The following PARP10 variants were observed in gnomAD, a reference collection of about 807,000 sequenced individuals.
The protein encoded by PARP10 is poly(ADP-ribose) polymerase family member 10.
PARP10 carries 56 observed loss-of-function variants against 82.4 expected under a neutral mutation model. That is an observed-to-expected ratio of 0.68 (90% CI 0.55 to 0.85). The LOEUF is 0.85. Ranked by LOEUF, PARP10 falls within the 40% of genes least tolerant of loss-of-function variation. The pLI is 0.00. For missense variants in PARP10, 1,227 were observed against 1,379.4 expected (o/e 0.89, Z 1.75); for synonymous variants, 576 against 601.1 (o/e 0.96, Z 0.61).
At chr8:143,993,036 C>T, upstream of PARP10, 1 of 584,814 alleles carries the variant, frequency 1.7e-6, no homozygotes. Flanking sequence ...ACAGCATGGC[C>T]CCTTTAGTCC....
In PARP10 at chr8:143,977,403, G is replaced by A. The variant is rs1554746408; in HGVS notation, c.*81C>T. The A allele has an allele frequency of 3.1e-6, 4 of 1,305,782 alleles. No homozygotes were observed. In the African/African-American group the frequency reaches 4.5e-5, roughly 15 times the overall value. The allele number at this position is 1,305,782 out of a possible 1,614,324, so 80.9% of individuals were successfully genotyped here. A position where few individuals can be genotyped will look rare whatever the true frequency, so the allele number is the denominator to read the frequency against. The stretch of plus-strand genomic sequence containing the variant: ...GGCGTCCCCGGGGACAGCTCAGGCG[G>A]CCACAGTTGGGGGCGGGGAGCATCA... On this transcript the variant is annotated 3_prime_UTR_variant, in exon 11 of 11. Transcript: ENST00000313028.
chr8:143,992,376 G>A, upstream of PARP10: 4 of 1,606,484 alleles, frequency 2.5e-6, no homozygotes, highest in South Asian at 1.1e-5. Flanking sequence ...CCATGCAGGT[G>A]AGGGGCCTCC....
upstream of PARP10, chr8:143,992,788 A>G (rs1834122833): frequency 1.2e-6 from 2 of 1,613,854 alleles, no homozygotes; most frequent in Non-Finnish European, 1.7e-6. Flanking sequence ...GTACACAGAC[A>G]TCATCAACAT....
In PARP10 at chr8:143,985,129, C is replaced by T. The variant is rs1554748944; in HGVS notation, c.873G>A (p.Gly291=). The change falls in exon 5 of 11, where the codon GGG becomes GGA. Residue 291 remains glycine, a synonymous_variant. Transcript: ENST00000313028. The stretch of plus-strand genomic sequence containing the variant: ...CCTCGCCAGAGCCCATTGTCACAGT[C>T]CCTGCACCCTGCAGAGCCGTCACCA... ...GGLVTALQGA[G]TVTMGSGEEP... 1 of 1,614,086 alleles carries T rather than the reference C, an allele frequency of 6.2e-7. No homozygotes were observed. The highest frequency in any genetic ancestry group is 8.5e-7 in the Non-Finnish European group (1 of 1,180,012).
At position 143,983,157 on chromosome 8, in the gene PARP10, G is replaced by T; in HGVS notation, c.2422+10C>A. 6.2e-7 allele frequency: 1 copy of T among 1,612,910 alleles called. No individual in the cohort carries two copies. The highest frequency in any genetic ancestry group is 1.1e-5 in the South Asian group (1 of 91,006). On this transcript the variant is annotated intron_variant, in intron 8 of 10. Transcript: ENST00000313028. Reference sequence around the variant, plus strand: ...ACCCCACCGTCCCTCAGTCCAGGAGGTAGACTCACAGGTAGGGCCTGAAGC... The same window carrying T: ...ACCCCACCGTCCCTCAGTCCAGGAGTTAGACTCACAGGTAGGGCCTGAAGC...
upstream of PARP10, among the ~76,000 whole-genome samples, chr8:143,995,591 A>G (rs1329119014): frequency 2.6e-5 from 4 of 152,146 alleles, no homozygotes; most frequent in African/African-American, 9.7e-5. Context: ...CTTCAGGTAG[A>G]AAGAAGACCA....
rs781951079 is a variant in PARP10, at chr8:143,984,374, C to G, written c.1516G>C (p.Gly506Arg). The change falls in exon 6 of 11, where the codon GGC (glycine) becomes CGC (arginine). Residue 506 changes from glycine to arginine, a missense_variant. Physicochemically the swap from Gly to Arg is moderately radical, Grantham distance 125. Coordinates refer to ENST00000313028, the MANE Select transcript of PARP10 (RefSeq NM_032789.5). ...AAEEFLRSLL[G>R]SISCHVLCLE... ...CACAACACATGGCAGCTAATGCTGC[C>G]CAGCAGGCTCCGCAGAAACTCCTCA... The G allele has an allele frequency of 6.2e-7, 1 of 1,613,084 alleles. No homozygotes were observed. Among genetic ancestry groups the G allele is most frequent in the East Asian group, 2.2e-5 (1 of 44,866 alleles).
chr8:143,980,026 A>C (rs2133035549), intron 9 of PARP10, among the ~76,000 whole-genome samples: 1 of 132,904 alleles, frequency 7.5e-6, no homozygotes, highest in South Asian at 2.5e-4. Flanking sequence ...AAAAAAAAAA[A>C]AAAAACCCGT....
upstream of PARP10, chr8:143,989,612 T>A (rs1554750133): frequency 6.6e-6 from 1 of 151,650 alleles, no homozygotes; most frequent in Non-Finnish European, 1.5e-5. This position sits in a 1 kb window ranked among gnomAD's most constrained non-coding sequence, Gnocchi z 4.3. Context: ...ATTAAAAAAA[T>A]AAAAAAGGGT....
upstream of PARP10, among the ~76,000 whole-genome samples, chr8:143,995,777 C>T (rs1056112288): frequency 3.3e-5 from 5 of 152,170 alleles, no homozygotes; most frequent in African/African-American, 4.8e-5. Context: ...CATCAGACTA[C>T]TCTGACCATG....
In PARP10 at chr8:144,012,662, C is replaced by T. The variant is rs782232486; in HGVS notation, c.-212G>A. 9.7e-6 allele frequency: 15 copies of T among 1,551,584 alleles called. No individual in the cohort carries two copies. In the South Asian group the frequency reaches 1.8e-4, roughly 18 times the overall value. The stretch of plus-strand genomic sequence containing the variant: ...TCAAGACTCAGGCAGGCGGGCTCGG[C>T]ATCAGCGGGTTCACGAGTGGGCTTG... On this transcript the variant is annotated 5_prime_UTR_variant, in exon 1 of 4. Transcript: ENST00000530478.
chr8:143,983,139 C>T (rs782776109), intron 8 of PARP10, 28 bp downstream of exon 8: 12 of 1,611,794 alleles, frequency 7.4e-6, no homozygotes, highest in Admixed American at 1.7e-5. Flanking sequence ...CCCACCCCAC[C>T]GTCCCTCAGT....
chr8:143,999,074 C>A (rs1813153823), intron 1 of PARP10, among the ~76,000 whole-genome samples: 1 of 151,390 alleles, frequency 6.6e-6, no homozygotes, highest in Non-Finnish European at 1.5e-5. Flanking sequence ...TCAACAGGGT[C>A]TCTGTTGACC....
rs541429479 is a variant in PARP10, at chr8:144,008,001, G to C, written c.-80+4529C>G. ...TGAAGTGTAGGAGAGCAATGGAGAGGAGTCACTGCCGACGTCCCGGAGGGC... is the reference window on the plus strand; with the variant it reads ...TGAAGTGTAGGAGAGCAATGGAGAGCAGTCACTGCCGACGTCCCGGAGGGC... On this transcript the variant is annotated intron_variant, in intron 1 of 3. Transcript: ENST00000530478. The surrounding 1 kb of genome is among the most constrained non-coding windows in gnomAD (Gnocchi z 4.0). Among the ~76,000 whole-genome samples the C allele has an allele frequency of 6.6e-6, 1 of 152,168 alleles. No homozygotes were observed. The highest frequency in any genetic ancestry group is 2.4e-5 in the African/African-American group (1 of 41,432).
upstream of PARP10, among the ~76,000 whole-genome samples, chr8:143,994,058 C>T (rs1363667399): frequency 6.6e-6 from 1 of 152,204 alleles, no homozygotes; most frequent in Non-Finnish European, 1.5e-5. Context: ...CTGGTCTGAG[C>T]CCTGCTGAGC....
chr8:143,986,243 G>T lies in PARP10; in HGVS notation c.3-10C>A. 6.2e-7 allele frequency: 1 copy of T among 1,613,844 alleles called. No homozygotes were observed. The highest frequency in any genetic ancestry group is 8.5e-7 in the Non-Finnish European group (1 of 1,179,786). On this transcript the variant is annotated splice_polypyrimidine_tract_variant and intron_variant, in intron 1 of 10. Transcript: ENST00000313028. Reference sequence around the variant, plus strand: ...CTCCGCCATTGCAACCCTGGGACGGGGCATCAGGTGGGTAGGGAAACAGCC... The same window carrying T: ...CTCCGCCATTGCAACCCTGGGACGGTGCATCAGGTGGGTAGGGAAACAGCC...
intron 1 of PARP10, among the ~76,000 whole-genome samples, chr8:144,005,612 C>T (rs1484110899): frequency 1.3e-5 from 2 of 152,154 alleles, no homozygotes; most frequent in African/African-American, 4.8e-5. Context: ...CAGACTCCAT[C>T]CCATGCTTCT....
In PARP10 at chr8:143,984,947, A is replaced by G; in HGVS notation, c.1055T>C (p.Met352Thr). ...CTCATGTTCCAGAGACCCCATGGGC[A>G]TCGAGCTGACTTGCTCTGCCTGTCC... is the stretch of plus-strand genomic sequence containing the variant. ...SLGQAEQVSS[M>T]PMGSLEHEGL... Residue 352 changes from methionine to threonine, a missense_variant, in exon 5 of 11, where the codon ATG (methionine) becomes ACG (threonine). Coordinates refer to ENST00000313028, the MANE Select transcript of PARP10 (RefSeq NM_032789.5). The G allele has an allele frequency of 6.2e-7, 1 of 1,613,906 alleles. No homozygotes were observed. Among genetic ancestry groups the G allele is most frequent in the Admixed American group, 1.7e-5 (1 of 60,022 alleles).
intron 1 of PARP10, among the ~76,000 whole-genome samples, chr8:144,009,919 C>G (rs2133085180): frequency 6.6e-6 from 1 of 152,192 alleles, no homozygotes; most frequent in East Asian, 1.9e-4. Flanking sequence ...ACCCTCATTG[C>G]TTGCTTGGAG....
Sources: gnomAD v4.1 joint callset for allele counts (sites outside exome capture counted in the v4.1 genomes callset) on GRCh38, gnomAD v4.1.1 for gene constraint, Gnocchi (gnomAD v3.1) non-coding constraint, MANE v1.5 for transcripts, NCBI Gene and HGNC (gene_info 2026-07-23, HGNC 2026-07-21) for gene names.